The following PHKA1 variants were observed in gnomAD, a reference collection of about 807,000 sequenced individuals.
PHKA1 encodes phosphorylase b kinase regulatory subunit alpha, skeletal muscle isoform.
PHKA1 carries 60 observed loss-of-function variants against 110.2 expected under a neutral mutation model. The observed-to-expected ratio is 0.54, with a 90% CI of 0.44 to 0.68. PHKA1 has a LOEUF of 0.68. Among genes scored for constraint, PHKA1 ranks in the 30% least tolerant of loss-of-function variants. PHKA1 has a pLI of 0.00. For synonymous variants in PHKA1, 316 were observed against 333.6 expected, an observed-to-expected ratio of 0.95 and a Z score of 0.58; for missense variants, 801 against 942.5, an observed-to-expected ratio of 0.85 and a Z score of 1.97.
At chrX:72,674,526 A>G (rs977111188) in intron 6 of PHKA1, among the ~76,000 whole-genome samples, 1 of 111,603 alleles carries the variant, frequency 9.0e-6, no homozygotes, top group South Asian at 3.8e-4. Flanking sequence ...GTATCTCACT[A>G]TGGTTTTGAT....
intron 6 of PHKA1, among the ~76,000 whole-genome samples, chrX:72,675,080 C>T (rs1603268560): frequency 1.8e-5 from 2 of 108,536 alleles, no homozygotes; most frequent in South Asian, 4.0e-4. Context: ...CCCAGCTACT[C>T]GGGAGGCTGA....
In PHKA1 at chrX:72,636,346, T is replaced by G; in HGVS notation, c.1500A>C (p.Arg500Ser). 2 of 1,201,926 alleles carry G rather than the reference T, an allele frequency of 1.7e-6. No individual in the cohort carries two copies. The highest frequency in any genetic ancestry group is 2.3e-6 in the Non-Finnish European group (2 of 886,350). The change falls in exon 15 of 32, where the codon AGA (arginine) becomes AGC (serine). Residue 500 changes from arginine to serine, a missense_variant. By Grantham distance (110) the Arg-to-Ser change is moderately radical (BLOSUM62 -1). Coordinates refer to ENST00000373542, the MANE Select transcript of PHKA1 (RefSeq NM_002637.4). Reference sequence around the variant, plus strand: ...TTGAAGTTCCAAGCACTCCCATGTGTCTGTAGGGTCGTCCACTGAGTTTCA... The same window carrying G: ...TTGAAGTTCCAAGCACTCCCATGTGGCTGTAGGGTCGTCCACTGAGTTTCA... The part of the protein sequence containing the change: ...NRMKLSGRPY[R>S]HMGVLGTSKL...
At chrX:72,680,759 C>G (rs1242933319) in intron 5 of PHKA1, among the ~76,000 whole-genome samples, 6 of 92,914 alleles carry the variant, frequency 6.5e-5, no homozygotes, top group African/African-American at 2.5e-4. Context: ...CGCCGCCGCC[C>G]GACCGCCGGG....
rs1556198797 is a variant in PHKA1, at chrX:72,580,320, G to A, written c.*682C>T. On this transcript the variant is annotated 3_prime_UTR_variant, in exon 32 of 32. Transcript: ENST00000373542. ...ATTCTTAAATATGCATGCTGTACTT[G>A]CATTTTTTTGATATTTCACCAAAGT... 8.9e-6 allele frequency: 1 copy of A among 111,801 alleles called. No homozygotes were observed. The highest frequency in any genetic ancestry group is 3.2e-5 in the African/African-American group (1 of 30,798). The allele number at this position is 111,801 out of a possible 1,213,427, so 9.2% of individuals were successfully genotyped here. A position where few individuals can be genotyped will look rare whatever the true frequency, so the allele number is the denominator to read the frequency against.
At chrX:72,596,741 C>G (rs782046150) in intron 28 of PHKA1, among the ~76,000 whole-genome samples, 1 of 111,768 alleles carries the variant, frequency 8.9e-6, no homozygotes, top group South Asian at 3.8e-4. Context: ...TGAACACAAT[C>G]TCTATCAACA....
intron 29 of PHKA1, 25 bp from the exon 30 acceptor site, chrX:72,584,327 T>C (rs1556208057): frequency 1.7e-6 from 2 of 1,188,739 alleles, no homozygotes; most frequent in South Asian, 1.8e-5. Flanking sequence ...AAAAACCATA[T>C]CACCAAAAAC....
At chrX:72,707,101 C>T (rs781875626) in intron 2 of PHKA1, among the ~76,000 whole-genome samples, 4 of 111,298 alleles carry the variant, frequency 3.6e-5, no homozygotes, top group African/African-American at 9.8e-5. Flanking sequence ...TTCTTTTTGA[C>T]GACATAAATC....
Position 72,627,038 on chromosome X carries a change from T to C in PHKA1, c.1726A>G (p.Thr576Ala), listed in dbSNP as rs2053085228. ...GCCAGGATACTTGAATTCAAGCTTG[T>C]TCCATCTTCATCTTGAAATGAACAG... Reference protein sequence around the residue: ...ISHSMLDEDGTSLNSSILAAL... With the variant: ...ISHSMLDEDGASLNSSILAAL... The change falls in exon 17 of 32, where the codon ACA becomes GCA. Residue 576 changes from threonine to alanine, a missense_variant. By Grantham distance (58) the Thr-to-Ala change is moderately conservative. Transcript: ENST00000373542. The C allele has an allele frequency of 1.7e-6, 2 of 1,200,248 alleles. No individual in the cohort carries two copies. Among genetic ancestry groups the C allele is most frequent in the South Asian group, 1.8e-5 (1 of 56,563 alleles).
intron 5 of PHKA1, among the ~76,000 whole-genome samples, chrX:72,682,512 A>T (rs1388991233): frequency 3.2e-4 from 35 of 109,179 alleles, no homozygotes; most frequent in Non-Finnish European, 6.0e-4. Flanking sequence ...AGATTGAGAA[A>T]TCGGATGGTT....
At chrX:72,614,128 A>C (rs1289333149) in intron 21 of PHKA1, among the ~76,000 whole-genome samples, 2 of 112,233 alleles carry the variant, frequency 1.8e-5, no homozygotes, top group East Asian at 5.5e-4. Context: ...TGACTTTGGC[A>C]ATTATACTGT....
intron 2 of PHKA1, among the ~76,000 whole-genome samples, chrX:72,709,638 A>G (rs781942371): frequency 9.0e-6 from 1 of 110,978 alleles, no homozygotes; most frequent in South Asian, 3.9e-4. Context: ...CACTGGCTAT[A>G]CATTAAAATC....
intron 6 of PHKA1, among the ~76,000 whole-genome samples, chrX:72,669,627 G>C (rs1380414204): frequency 9.9e-6 from 1 of 100,936 alleles, no homozygotes; most frequent in Non-Finnish European, 2.0e-5. Context: ...GAGAATATGC[G>C]GTGTTTGGTT....
intron 16 of PHKA1, among the ~76,000 whole-genome samples, chrX:72,634,121 A>T (rs1288001938): frequency 8.9e-6 from 1 of 112,380 alleles, no homozygotes; most frequent in African/African-American, 3.2e-5. Context: ...TGGTTTAGTA[A>T]TTCTTTATAT....
In PHKA1 at chrX:72,580,956, A is replaced by T; in HGVS notation, c.*46T>A. 1 of 1,124,990 alleles carries T rather than the reference A, an allele frequency of 8.9e-7. No individual in the cohort carries two copies. The highest frequency in any genetic ancestry group is 1.2e-6 in the Non-Finnish European group (1 of 819,283). 92.7% of individuals were successfully genotyped at this position (1,124,990 alleles called of 1,213,427 possible). A position where few individuals can be genotyped will look rare whatever the true frequency, so the allele number is the denominator to read the frequency against. ...AGTTCCATGCACAATCAACCGAGGC[A>T]GGGACCAGCTGTCAAAAGGCTCCCA... On this transcript the variant is annotated 3_prime_UTR_variant, in exon 32 of 32. Transcript: ENST00000373542.
intron 19 of PHKA1, among the ~76,000 whole-genome samples, chrX:72,619,976 A>G (rs2052952899): frequency 8.9e-6 from 1 of 112,199 alleles, no homozygotes; most frequent in South Asian, 3.8e-4. Flanking sequence ...TCATCTCTTC[A>G]TATAAGCCCT....
At chrX:72,652,395 C>T (rs2053441014) in intron 12 of PHKA1, 149 bp downstream of exon 12, 1 of 493,201 alleles carries the variant, frequency 2.0e-6, no homozygotes, top group South Asian at 2.8e-5. Context: ...GCCATGCTCC[C>T]TACTCTGAAG....
At position 72,636,333 on chromosome X, in the gene PHKA1, G is replaced by C. The variant is rs782424570; in HGVS notation, c.1513C>G (p.Leu505Val). ...ATGTCATAGAGTTTTGAAGTTCCAA[G>C]CACTCCCATGTGTCTGTAGGGTCGT... Reference protein sequence around the residue: ...SGRPYRHMGVLGTSKLYDIRK... With the variant: ...SGRPYRHMGVVGTSKLYDIRK... The change falls in exon 15 of 32, where the codon CTT (leucine) becomes GTT (valine). Residue 505 changes from leucine (L) to valine (V), a missense_variant. Transcript: ENST00000373542. The C allele has an allele frequency of 1.2e-5, 14 of 1,204,895 alleles. No homozygotes were observed. Among genetic ancestry groups the C allele is most frequent in the Non-Finnish European group, 1.6e-5 (14 of 889,228 alleles).
chrX:72,597,735 T>C (rs2052609109), intron 28 of PHKA1, among the ~76,000 whole-genome samples: 1 of 111,994 alleles, frequency 8.9e-6, no homozygotes, highest in Admixed American at 9.5e-5. Context: ...GTAGTTACAC[T>C]GTGCCCAATG....
At chrX:72,596,951 TA>T (rs2052598098) in intron 28 of PHKA1, among the ~76,000 whole-genome samples, 1 of 112,162 alleles carries the variant, frequency 8.9e-6, no homozygotes, top group Admixed American at 9.5e-5. Flanking sequence ...AGTTCAAAAA[TA>T]AACCATTATA....
Sources: gnomAD v4.1 joint callset for allele counts (sites outside exome capture counted in the v4.1 genomes callset) on GRCh38, gnomAD v4.1.1 for gene constraint, MANE v1.5 for transcripts, NCBI Gene and HGNC (gene_info 2026-07-23, HGNC 2026-07-21) for gene names.